MYO6: variants seen among roughly 807,000 people sequenced by gnomAD.
The protein encoded by MYO6 is unconventional myosin-VI.
In MYO6, 74 loss-of-function variants were observed where a neutral mutation model predicts 178.7. The ratio of observed to expected loss-of-function variants is 0.41; its 90% CI spans 0.34 to 0.50. The LOEUF (loss-of-function observed/expected upper bound fraction) is 0.50, where lower values mean the gene tolerates loss of function less well. Ranked by LOEUF, MYO6 falls within the 20% of genes least tolerant of loss-of-function variation. MYO6 has a pLI of 0.09. For missense variants in MYO6, 1,330 were observed against 1,547.4 expected, an observed-to-expected ratio of 0.86 and a Z score of 2.36; for synonymous variants, 477 against 504.6, an observed-to-expected ratio of 0.95 and a Z score of 0.73.
intron 23 of MYO6, among the ~76,000 whole-genome samples, chr6:75,885,450 C>G (rs1053798272): frequency 1.3e-5 from 2 of 151,662 alleles, no homozygotes; most frequent in African/African-American, 4.8e-5. Flanking sequence ...GCATGAGAAT[C>G]TCTTTTTTTT....
In MYO6 at chr6:75,866,928, T is replaced by G; in HGVS notation, c.1771-4T>G. ...GAAACATTCCTGTTTGATTTATTTT[T>G]CAGACCCAGTTTGTGGAGAAAAATA... On this transcript the variant is annotated splice_polypyrimidine_tract_variant and splice_region_variant and intron_variant, in intron 17 of 34. Coordinates refer to ENST00000369977, the MANE Select transcript of MYO6 (RefSeq NM_004999.4). The G allele has an allele frequency of 6.2e-7, 1 of 1,613,682 alleles. No individual in the cohort carries two copies. Among genetic ancestry groups the G allele is most frequent in the Non-Finnish European group, 8.5e-7 (1 of 1,179,692 alleles).
At chr6:75,827,336 C>T (rs986133700) in intron 3 of MYO6, among the ~76,000 whole-genome samples, 31 of 152,062 alleles carry the variant, frequency 2.0e-4, no homozygotes, top group African/African-American at 7.5e-4. Flanking sequence ...GGATATTCTA[C>T]ATGGAAGCCG....
intron 1 of MYO6, among the ~76,000 whole-genome samples, chr6:75,758,704 C>T (rs543396356): frequency 2.0e-5 from 3 of 152,176 alleles, no homozygotes; most frequent in South Asian, 2.1e-4. Context: ...GTGATCTGCC[C>T]GACTCGGCCT....
intron 1 of MYO6, among the ~76,000 whole-genome samples, chr6:75,765,316 A>G (rs1055525729): frequency 1.5e-4 from 22 of 150,826 alleles, no homozygotes; most frequent in Admixed American, 1.1e-3. Context: ...AGCTGGGACT[A>G]CAGGTGCACA....
At chr6:75,803,303 A>C (rs1337072269) in intron 1 of MYO6, among the ~76,000 whole-genome samples, 1 of 152,012 alleles carries the variant, frequency 6.6e-6, no homozygotes, top group African/African-American at 2.4e-5. Flanking sequence ...TTTTGTTAGC[A>C]CATCAATCTT....
chr6:75,832,265 A>G (rs1228137451), intron 5 of MYO6, among the ~76,000 whole-genome samples: 2 of 152,230 alleles, frequency 1.3e-5, no homozygotes, highest in African/African-American at 4.8e-5. Context: ...AAATGTTGAC[A>G]AATTGTAAAT....
intron 30 of MYO6, among the ~76,000 whole-genome samples, chr6:75,906,473 C>A (rs1000265391): frequency 6.6e-6 from 1 of 151,946 alleles, no homozygotes; most frequent in Non-Finnish European, 1.5e-5. Context: ...CTCAGGAGTT[C>A]GAGACCAGCC....
intron 20 of MYO6, among the ~76,000 whole-genome samples, chr6:75,875,428 C>A (rs769138466): frequency 6.6e-6 from 1 of 152,072 alleles, no homozygotes; most frequent in African/African-American, 2.4e-5. Context: ...GCATGTGCCA[C>A]CACGCCCAGC....
intron 1 of MYO6, among the ~76,000 whole-genome samples, chr6:75,776,962 C>G (rs1169074204): frequency 6.6e-6 from 1 of 152,132 alleles, no homozygotes; most frequent in Non-Finnish European, 1.5e-5. Context: ...TTGCATGACT[C>G]TCTGTCCAGA....
At chr6:75,870,758 C>A in intron 19 of MYO6, 73 bp downstream of exon 19, 2 of 1,197,878 alleles carry the variant, frequency 1.7e-6, no homozygotes, top group Non-Finnish European at 2.5e-6. Context: ...TGCAAGTAGG[C>A]ATAGTAACCC....
chr6:75,843,683 AAC>A (rs1209323472), intron 9 of MYO6, among the ~76,000 whole-genome samples: 2 of 152,130 alleles, frequency 1.3e-5, no homozygotes, highest in African/African-American at 2.4e-5. Flanking sequence ...TCTTATTTGA[AAC>A]AGTCCATTGA....
intron 27 of MYO6, among the ~76,000 whole-genome samples, chr6:75,891,651 A>C (rs1379119346): frequency 6.6e-6 from 1 of 152,050 alleles, no homozygotes; most frequent in Non-Finnish European, 1.5e-5. Flanking sequence ...AAAAAATAAA[A>C]AATAAATAAA....
intron 3 of MYO6, among the ~76,000 whole-genome samples, 191 bp downstream of exon 3, chr6:75,823,042 A>T (rs1007267924): frequency 2.6e-5 from 4 of 152,208 alleles, no homozygotes; most frequent in Non-Finnish European, 4.4e-5. Context: ...TTGGTGAAAG[A>T]GTCTTGAGTG....
At chr6:75,821,194 C>T (rs1771836928) in intron 2 of MYO6, among the ~76,000 whole-genome samples, 2 of 152,086 alleles carry the variant, frequency 1.3e-5, no homozygotes, top group Admixed American at 6.5e-5. Flanking sequence ...TCATTGGCCT[C>T]CCCTCATCCC....
intron 25 of MYO6, among the ~76,000 whole-genome samples, chr6:75,889,423 T>C (rs1211104502): frequency 6.6e-6 from 1 of 152,216 alleles, no homozygotes. Context: ...ATAATTCTTT[T>C]TGAGATAAGA....
At chr6:75,892,832 T>C in intron 28 of MYO6, 142 bp downstream of exon 28, 1 of 849,348 alleles carries the variant, frequency 1.2e-6, no homozygotes, top group Non-Finnish European at 1.8e-6. Context: ...ATTTTAAAAT[T>C]ATTTGTATCG....
At chr6:75,770,097 T>C (rs78670338) in intron 1 of MYO6, among the ~76,000 whole-genome samples, 3,247 of 152,220 alleles carry the variant, frequency 0.021, 113 homozygotes, top group African/African-American at 0.074. Flanking sequence ...AGTAGATTTC[T>C]CTGTTAGGGC....
chr6:75,915,155 ATTTG>A lies in MYO6; in HGVS notation c.*147_*150del. On this transcript the variant is annotated 3_prime_UTR_variant, in exon 35 of 35. Transcript: ENST00000369977. ...TTTTATTAATCACGGCTTTTGGTGA[ATTTG>A]TTTAAGGTTAATTATGGTAGCAAAT... is the stretch of plus-strand genomic sequence containing the variant. 1.1e-6 allele frequency: 1 copy of A among 902,130 alleles called. No individual in the cohort carries two copies. The highest frequency in any genetic ancestry group is 1.7e-6 in the Non-Finnish European group (1 of 584,256). 55.9% of individuals were successfully genotyped at this position (902,130 alleles called of 1,614,324 possible).
At chr6:75,860,473 A>C (rs1268557054) in intron 14 of MYO6, among the ~76,000 whole-genome samples, 1 of 152,196 alleles carries the variant, frequency 6.6e-6, no homozygotes, top group Non-Finnish European at 1.5e-5. Context: ...TAAAAAGGAG[A>C]CTGTATTTTG....
Sources: gnomAD v4.1 joint callset for allele counts (sites outside exome capture counted in the v4.1 genomes callset) on GRCh38, gnomAD v4.1.1 for gene constraint, MANE v1.5 for transcripts, NCBI Gene and HGNC (gene_info 2026-07-23, HGNC 2026-07-21) for gene names.